The following FGD1 variants were observed in gnomAD, a reference collection of about 807,000 sequenced individuals.
FGD1 encodes the protein FYVE, RhoGEF and PH domain containing 1.
In FGD1, 12 loss-of-function variants were observed where a neutral mutation model predicts 65.0. The observed-to-expected ratio is 0.18, with a 90% confidence interval of 0.12 to 0.30. FGD1 has a LOEUF of 0.30. Ranked by LOEUF, FGD1 falls within the 10% of genes least tolerant of loss-of-function variation. FGD1 has a pLI of 1.00. For missense variants in FGD1, 542 were observed against 837.6 expected, an observed-to-expected ratio of 0.65 and a Z score of 4.36; for synonymous variants, 333 against 343.9, an observed-to-expected ratio of 0.97 and a Z score of 0.35.
Position 54,471,382 on chromosome X carries a change from C to G in FGD1, c.413G>C (p.Gly138Ala), listed in dbSNP as rs1328546434. The G allele has an allele frequency of 5.0e-6, 6 of 1,209,938 alleles. No individual in the cohort carries two copies. The highest frequency in any genetic ancestry group is 6.7e-6 in the Non-Finnish European group (6 of 895,358). ...CTGGCTAGGGGTTTCAGTCGGGGGA[C>G]CTGGGTCTGAGCGAAGCCGCTGGGG... Reference protein sequence around the residue: ...EGPQRLRSDPGPPTETPSQRP... With the variant: ...EGPQRLRSDPAPPTETPSQRP... Residue 138 changes from glycine (G) to alanine (A), a missense_variant, in exon 2 of 18, where the codon GGT (glycine) becomes GCT (alanine). By Grantham distance (60) the Gly-to-Ala change is moderately conservative. This residue lies in a region of FGD1 where 297 missense variants were observed against 326.8 expected (regional missense o/e 0.91). Transcript: ENST00000375135.
intron 8 of FGD1, among the ~76,000 whole-genome samples, chrX:54,459,789 T>C (rs1348257498): frequency 9.1e-6 from 1 of 110,273 alleles, no homozygotes; most frequent in Admixed American, 9.8e-5. Flanking sequence ...GGGAGCTCAA[T>C]CTGGGAGGCT....
Position 54,467,975 on chromosome X carries a change from G to T in FGD1, c.1192-43C>A, listed in dbSNP as rs754681457. The T allele has an allele frequency of 3.5e-6, 4 of 1,146,399 alleles. No homozygotes were observed. In the South Asian group the frequency reaches 7.6e-5, roughly 22 times the overall value. 94.5% of individuals were successfully genotyped at this position (1,146,399 alleles called of 1,213,427 possible). ...AGCACTCAGCCCAGCTGGGCCTGGG[G>T]CTTGGCTGGTGAAGGGTGAGGGCAG... On this transcript the variant is annotated intron_variant, in intron 5 of 17. Coordinates refer to ENST00000375135, the MANE Select transcript of FGD1 (RefSeq NM_004463.3).
intron 12 of FGD1, 61 bp from the exon 13 acceptor site, chrX:54,450,362 G>A (rs906391668): frequency 3.7e-6 from 4 of 1,083,862 alleles, no homozygotes; most frequent in Middle Eastern, 3.1e-4. Context: ...AAAGCAATAG[G>A]AGTGGAAGAG....
chrX:54,489,856 C>T (rs1601962027), intron 1 of FGD1, among the ~76,000 whole-genome samples: 1 of 111,953 alleles, frequency 8.9e-6, no homozygotes, highest in Admixed American at 9.5e-5. Flanking sequence ...AAGTATAAAT[C>T]GTTCTACCAT....
intron 12 of FGD1, 38 bp downstream of exon 12, chrX:54,455,410 G>T (rs921979037): frequency 9.4e-6 from 10 of 1,069,191 alleles, no homozygotes; most frequent in Non-Finnish European, 1.2e-5. Flanking sequence ...CAAAAGGGAG[G>T]TAGGCGCTGG....
intron 1 of FGD1, among the ~76,000 whole-genome samples, chrX:54,493,623 G>C (rs1012463148): frequency 7.2e-5 from 8 of 111,830 alleles, no homozygotes; most frequent in African/African-American, 2.6e-4. Context: ...AAAAGTCCTG[G>C]GGTGGGAGTG....
chrX:54,465,307 G>T, intron 8 of FGD1, 144 bp downstream of exon 8: 1 of 641,327 alleles, frequency 1.6e-6, no homozygotes, highest in Non-Finnish European at 2.3e-6. Context: ...GGGCCTTTCA[G>T]TTTGGAGATT....
At chrX:54,454,750 G>C (rs186305646) in intron 12 of FGD1, among the ~76,000 whole-genome samples, 79 of 110,688 alleles carry the variant, frequency 7.1e-4, no homozygotes, top group African/African-American at 2.5e-3. Flanking sequence ...GTTTTATACA[G>C]TGCATGACTG....
At chrX:54,451,350 T>G (rs1281908965) in intron 12 of FGD1, among the ~76,000 whole-genome samples, 1 of 108,051 alleles carries the variant, frequency 9.3e-6, no homozygotes, top group Non-Finnish European at 1.9e-5. Context: ...AGTGGCGTGA[T>G]CTCAGCTTAC....
At chrX:54,483,465 C>T (rs1020254606) in intron 1 of FGD1, among the ~76,000 whole-genome samples, 69 of 112,577 alleles carry the variant, frequency 6.1e-4, no homozygotes, top group African/African-American at 2.0e-3. Flanking sequence ...CTCCCAAAGG[C>T]CAGCCCTGCC....
chrX:54,461,052 T>C (rs766686147), intron 8 of FGD1, among the ~76,000 whole-genome samples: 1 of 112,035 alleles, frequency 8.9e-6, no homozygotes, highest in South Asian at 3.7e-4. Flanking sequence ...GGACTCTATC[T>C]GGAGCCCACT....
chrX:54,460,146 T>TA (rs113232435), intron 8 of FGD1, among the ~76,000 whole-genome samples: 24 of 104,549 alleles, frequency 2.3e-4, no homozygotes, highest in African/African-American at 3.5e-4. Context: ...ATAAAAATAA[T>TA]AAAAAAAAAT....
rs1285926874 is a variant in FGD1, at chrX:54,467,769, T to G, written c.1340+15A>C. On this transcript the variant is annotated intron_variant, in intron 6 of 17. Coordinates refer to ENST00000375135, the MANE Select transcript of FGD1 (RefSeq NM_004463.3). ...TGGACAGGGGAGTGGGCAGTCTAGG[T>G]CTAGGGCCCCTCACCATTCCTCCAT... is the stretch of plus-strand genomic sequence containing the variant. 2 of 1,167,219 alleles carry G rather than the reference T, an allele frequency of 1.7e-6. No individual in the cohort carries two copies. The highest frequency in any genetic ancestry group is 5.2e-5 in the Admixed American group (2 of 38,709).
intron 8 of FGD1, among the ~76,000 whole-genome samples, chrX:54,463,674 A>T (rs1459426041): frequency 9.0e-6 from 1 of 111,699 alleles, no homozygotes; most frequent in African/African-American, 3.3e-5. Flanking sequence ...TGTTCAGGTC[A>T]CACTGACCTT....
At chrX:54,451,233 T>C (rs1230662630) in intron 12 of FGD1, among the ~76,000 whole-genome samples, 4 of 110,667 alleles carry the variant, frequency 3.6e-5, no homozygotes, top group African/African-American at 1.3e-4. Context: ...GCGTTCCCCT[T>C]CCCTGACTCT....
intron 1 of FGD1, among the ~76,000 whole-genome samples, chrX:54,476,523 A>G (rs1446589393): frequency 2.8e-5 from 3 of 109,063 alleles, no homozygotes; most frequent in African/African-American, 1.0e-4. Context: ...GGCTATTTTT[A>G]ATTTTTTTTG....
intron 1 of FGD1, among the ~76,000 whole-genome samples, chrX:54,481,932 C>T (rs1203767368): frequency 1.8e-5 from 2 of 110,049 alleles, no homozygotes; most frequent in African/African-American, 6.6e-5. Flanking sequence ...AACCATAGAC[C>T]TATAGGGGGC....
chrX:54,467,606 T>G (rs769637385), intron 6 of FGD1, among the ~76,000 whole-genome samples, 178 bp downstream of exon 6: 1 of 111,594 alleles, frequency 9.0e-6, no homozygotes, highest in Non-Finnish European at 1.9e-5. Flanking sequence ...TTCACCTGCC[T>G]CAGCTTCCCA....
At chrX:54,454,185 G>A (rs973727609) in intron 12 of FGD1, among the ~76,000 whole-genome samples, 4 of 111,407 alleles carry the variant, frequency 3.6e-5, no homozygotes, top group Non-Finnish European at 7.5e-5. Flanking sequence ...ATCAGAGAGC[G>A]TACTGACACT....
Sources: allele counts gnomAD v4.1 joint callset (sites outside exome capture counted in the v4.1 genomes callset), GRCh38; gene constraint gnomAD v4.1.1; regional missense constraint gnomAD v4.1.1; transcripts MANE v1.5; gene names NCBI Gene and HGNC (gene_info 2026-07-23, HGNC 2026-07-21).